USP43: variants seen among roughly 807,000 people sequenced by gnomAD.
USP43 encodes ubiquitin carboxyl-terminal hydrolase 43.
Under a neutral mutation model 90.7 loss-of-function variants are expected in USP43, and 33 were observed. That is an observed-to-expected ratio of 0.36 (90% CI 0.28 to 0.49). The LOEUF (loss-of-function observed/expected upper bound fraction) is 0.49. Ranked by LOEUF, USP43 falls within the 20% of genes least tolerant of loss-of-function variation. The pLI, the probability that USP43 is intolerant of heterozygous loss-of-function variation, is 0.98. For synonymous variants in USP43, 598 were observed against 615.8 expected (o/e 0.97, Z 0.43); for missense variants, 1,274 against 1,476.4 (o/e 0.86, Z 2.25).
At position 9,709,730 on chromosome 17, in the gene USP43, AT is replaced by A. The variant is rs1916079390; in HGVS notation, c.2012-225del. 6.6e-6 allele frequency among the ~76,000 whole-genome samples: 1 copy of A among 152,090 alleles called. No homozygotes were observed. The highest frequency in any genetic ancestry group is 1.5e-5 in the Non-Finnish European group (1 of 68,020). ...AACTCCGTCTCAAAAATAAATAAAA[AT>A]AAATAAATAAATAAAAATAATAACA... On this transcript the variant is annotated intron_variant, in intron 12 of 14. Coordinates refer to ENST00000285199, the MANE Select transcript of USP43 (RefSeq NM_153210.5). The surrounding 1 kb of genome is among the most constrained non-coding windows in gnomAD (Gnocchi z 5.0).
intron 13 of USP43, among the ~76,000 whole-genome samples, chr17:9,710,428 G>A (rs9892504): frequency 0.36 from 53,647 of 149,804 alleles, 10,952 homozygotes; most frequent in African/African-American, 0.58. Flanking sequence ...TGTATGTAAT[G>A]TAAACTGATG....
Position 9,727,974 on chromosome 17 carries a change from T to C in USP43, c.2356T>C (p.Leu786=). 1 of 1,605,166 alleles carries C rather than the reference T, an allele frequency of 6.2e-7. No individual in the cohort carries two copies. The highest frequency in any genetic ancestry group is 8.5e-7 in the Non-Finnish European group (1 of 1,173,202). ...QEKGGLEPRR[L]VRGVKGRSIS... is the part of the protein sequence containing the mutation. ...TTCAGGAGGGTTGGAGCCCAGGCGT[T>C]TGGTACGGGGCGTGAAAGGCAGAAG... The change falls in exon 15 of 15, where the codon TTG becomes CTG. Residue 786 remains leucine (L), a synonymous_variant. Transcript: ENST00000285199.
chr17:9,697,268 TTTTG>T (rs1213043367), intron 9 of USP43, among the ~76,000 whole-genome samples: 3 of 151,950 alleles, frequency 2.0e-5, no homozygotes, highest in African/African-American at 4.8e-5. Context: ...TTTCTTAAAG[TTTTG>T]TTTATTATTC....
In USP43 at chr17:9,686,892, A is replaced by C; in HGVS notation, c.1336A>C (p.Ser446Arg). 2.5e-6 allele frequency: 4 copies of C among 1,613,520 alleles called. No homozygotes were observed. Among genetic ancestry groups the C allele is most frequent in the Admixed American group, 1.7e-5 (1 of 59,974 alleles). ...ILSKVRHLMK[S>R]EAPVQNLGSL... ...CAGCAAGGTCCGCCATCTTATGAAG[A>C]GTGAGGCCCCTGTACAGGTCAGTGG... is the stretch of plus-strand genomic sequence containing the variant. Residue 446 changes from serine (S) to arginine (R), a missense_variant, in exon 8 of 15, where the codon AGT becomes CGT. By Grantham distance (110) the Ser-to-Arg change is moderately radical. This residue lies in a region of USP43 where 253 missense variants were observed against 276.0 expected (regional missense o/e 0.92). Transcript: ENST00000285199. The surrounding 1 kb of genome is among the most constrained non-coding windows in gnomAD (Gnocchi z 5.5).
chr17:9,683,613 T>G (rs1914430380), intron 7 of USP43, among the ~76,000 whole-genome samples: 1 of 152,202 alleles, frequency 6.6e-6, no homozygotes. Flanking sequence ...ATACATCATT[T>G]TTATCATGTA....
rs772513387 is a variant in USP43 at position 9,728,375 on chromosome 17, A to G, written c.2757A>G (p.Ala919=). 1.2e-6 allele frequency: 2 copies of G among 1,608,458 alleles called. No individual in the cohort carries two copies. The highest frequency in any genetic ancestry group is 2.2e-5 in the East Asian group (1 of 44,672). The change falls in exon 15 of 15, where the codon GCA becomes GCG. Residue 919 remains alanine (A), a synonymous_variant. Transcript: ENST00000285199. This position sits in a 1 kb window ranked among gnomAD's most constrained non-coding sequence, Gnocchi z 6.2. Reference sequence around the variant, plus strand: ...CAGCAAGGAAACTCAAGGAAAATGCAGGGCAGGACATCAAGCTTCCCAGAA... The same window carrying G: ...CAGCAAGGAAACTCAAGGAAAATGCGGGGCAGGACATCAAGCTTCCCAGAA... ...PNTARKLKEN[A]GQDIKLPRKF...
At chr17:9,688,310 C>T (rs1914716961) in intron 8 of USP43, among the ~76,000 whole-genome samples, 1 of 150,486 alleles carries the variant, frequency 6.6e-6, no homozygotes, top group African/African-American at 2.4e-5. Context: ...TTCATGTGAG[C>T]ATTTAACTCA....
intron 14 of USP43, among the ~76,000 whole-genome samples, chr17:9,716,901 C>T (rs12939916): frequency 0.4 from 61,510 of 151,932 alleles, 12,680 homozygotes; most frequent in East Asian, 0.62. Context: ...TTTGGGAGGC[C>T]GAGGTGGGAG....
intron 7 of USP43, among the ~76,000 whole-genome samples, chr17:9,684,436 T>C (rs906909269): frequency 1.3e-5 from 2 of 151,984 alleles, no homozygotes; most frequent in African/African-American, 4.8e-5. Context: ...GAGATGAACA[T>C]TAGTTCACAG....
chr17:9,652,227 AAAG>A (rs1859012517), intron 1 of USP43, among the ~76,000 whole-genome samples: 1 of 147,634 alleles, frequency 6.8e-6, no homozygotes, highest in Non-Finnish European at 1.5e-5. Context: ...AAAAAAAAAA[AAAG>A]AAAAGAAAAG....
chr17:9,648,015 C>T (rs1435031272), intron 1 of USP43, among the ~76,000 whole-genome samples: 6 of 152,240 alleles, frequency 3.9e-5, no homozygotes, highest in East Asian at 3.9e-4. Flanking sequence ...AGCGAGACTC[C>T]GTCTCAAAAA....
chr17:9,695,067 G>C (rs1162287415), intron 9 of USP43, among the ~76,000 whole-genome samples: 2 of 152,096 alleles, frequency 1.3e-5, no homozygotes. Flanking sequence ...ATATTCTCTT[G>C]AGGTCACACC....
intron 12 of USP43, among the ~76,000 whole-genome samples, chr17:9,708,050 A>G (rs1440789611): frequency 1.3e-5 from 2 of 151,730 alleles, no homozygotes; most frequent in African/African-American, 4.9e-5. Flanking sequence ...GATGAGATAG[A>G]ACTAGCTATG....
intron 1 of USP43, 21 bp from the exon 2 acceptor site, chr17:9,656,382 G>T (rs770701908): frequency 1.2e-6 from 2 of 1,607,030 alleles, no homozygotes; most frequent in South Asian, 2.2e-5. Flanking sequence ...TTCACCTCTC[G>T]ATTTCCTTTT....
intron 8 of USP43, among the ~76,000 whole-genome samples, chr17:9,687,981 TTTTG>T (rs1379512201): frequency 6.6e-5 from 10 of 152,174 alleles, no homozygotes; most frequent in East Asian, 1.9e-4. Flanking sequence ...ACTATGCTTT[TTTTG>T]TTTGTTTGTT....
intron 14 of USP43, among the ~76,000 whole-genome samples, chr17:9,715,401 T>TA (rs1215149097): frequency 4.6e-5 from 7 of 152,134 alleles, no homozygotes; most frequent in African/African-American, 1.4e-4. Flanking sequence ...TGCAGTGAGC[T>TA]GTGAGCACAC....
chr17:9,693,306 C>A, intron 9 of USP43, 76 bp downstream of exon 9: 1 of 1,180,328 alleles, frequency 8.5e-7, no homozygotes, highest in South Asian at 1.3e-5. Flanking sequence ...GGGTATATGT[C>A]AATGAGATTG....
At chr17:9,727,129 C>T (rs541636172) in intron 14 of USP43, among the ~76,000 whole-genome samples, 1 of 152,058 alleles carries the variant, frequency 6.6e-6, no homozygotes, top group Non-Finnish European at 1.5e-5. Flanking sequence ...TGTGCCACCA[C>T]GCCCAGCTAA....
intron 4 of USP43, among the ~76,000 whole-genome samples, chr17:9,676,359 C>G (rs980812021): frequency 4.6e-5 from 7 of 152,062 alleles, no homozygotes; most frequent in Non-Finnish European, 7.4e-5. Context: ...TGAACTTGAT[C>G]CATTATCTTT....
Sources: allele counts gnomAD v4.1 joint callset (sites outside exome capture counted in the v4.1 genomes callset), GRCh38; gene constraint gnomAD v4.1.1; regional missense constraint gnomAD v4.1.1; non-coding constraint Gnocchi (gnomAD v3.1); transcripts MANE v1.5; gene names NCBI Gene and HGNC (gene_info 2026-07-23, HGNC 2026-07-21).